RAB38: variants seen among roughly 807,000 people sequenced by gnomAD.
RAB38 encodes the protein ras-related protein Rab-38.
In RAB38, 15 loss-of-function variants were observed where a neutral mutation model predicts 18.4. That is an observed-to-expected ratio of 0.82 (90% confidence interval 0.55 to 1.26). The LOEUF (loss-of-function observed/expected upper bound fraction) is 1.26, where lower values mean the gene tolerates loss of function less well. Among genes scored for constraint, RAB38 ranks in the 50% most tolerant of loss-of-function variants. The probability of loss-of-function intolerance (pLI) is 0.00; values close to 1 mark genes in which losing one functional copy is unlikely to be tolerated. For missense variants in RAB38, 294 were observed against 267.4 expected (o/e 1.10, Z -0.69); for synonymous variants, 101 against 104.4 (o/e 0.97, Z 0.20).
intron 2 of RAB38, among the ~76,000 whole-genome samples, chr11:88,143,295 G>C (rs1355185254): frequency 6.6e-6 from 1 of 152,254 alleles, no homozygotes; most frequent in Non-Finnish European, 1.5e-5. Context: ...TGGCTAAAGA[G>C]AAGTTATTCT....
At chr11:88,134,305 A>C (rs942084455) in intron 2 of RAB38, among the ~76,000 whole-genome samples, 15 of 152,088 alleles carry the variant, frequency 9.9e-5, no homozygotes, top group African/African-American at 2.7e-4. Flanking sequence ...CAGTGGCGCA[A>C]TCTAGGCTCA....
chr11:87,870,501 CA>C, the RAB38 span, among the ~76,000 whole-genome samples: 1,381 of 151,608 alleles, frequency 9.1e-3, 22 homozygotes, highest in African/African-American at 0.032. Context: ...CATTTCTCAT[CA>C]GGGGTCCGTG....
chr11:87,931,951 G>A, the RAB38 span, among the ~76,000 whole-genome samples: 1 of 151,842 alleles, frequency 6.6e-6, no homozygotes, highest in Admixed American at 6.6e-5. Context: ...GGTGGGGTGG[G>A]GTGGTGAGGG....
chr11:88,151,383 A>T (rs1328278615), intron 1 of RAB38, among the ~76,000 whole-genome samples: 20 of 152,216 alleles, frequency 1.3e-4, no homozygotes. Flanking sequence ...TCAGCTGAAT[A>T]ACAAAAATGA....
chr11:88,149,668 A>G lies in RAB38; in HGVS notation c.483+7T>C. 6.2e-7 allele frequency: 1 copy of G among 1,603,354 alleles called. No individual in the cohort carries two copies. Among genetic ancestry groups the G allele is most frequent in the South Asian group, 1.1e-5 (1 of 90,020 alleles). On this transcript the variant is annotated splice_region_variant and intron_variant, in intron 2 of 2. Transcript: ENST00000243662. ...TATATTAAGCTTATTATTTAAAGTC[A>G]CATTACCTTTGCTGATGTTTCAAAC...
At chr11:87,837,506 A>AAGATTAGAG in the RAB38 span, among the ~76,000 whole-genome samples, 1 of 152,172 alleles carries the variant, frequency 6.6e-6, no homozygotes, top group Non-Finnish European at 1.5e-5. Context: ...TATTAAGCAA[A>AAGATTAGAG]AGATTAGAGA....
At chr11:87,943,336 T>C in the RAB38 span, among the ~76,000 whole-genome samples, 1 of 152,118 alleles carries the variant, frequency 6.6e-6, no homozygotes, top group Non-Finnish European at 1.5e-5. Context: ...TGATGATACA[T>C]GGCTAGGTTA....
the RAB38 span, among the ~76,000 whole-genome samples, chr11:87,855,208 T>G: frequency 6.6e-6 from 1 of 152,208 alleles, no homozygotes; most frequent in Admixed American, 6.5e-5. Context: ...TTCCTGCATT[T>G]CTCTGAGCAG....
chr11:88,124,932 C>T lies in RAB38; in HGVS notation c.484-10792G>A, dbSNP rs559057905. On this transcript the variant is annotated intron_variant, in intron 2 of 2. Transcript: ENST00000243662. ...GCTTTACAATCCATGCTTTAATTTG[C>T]TACGCAATAAGTTATGTGACTGTCT... Among the ~76,000 whole-genome samples the T allele has an allele frequency of 8.5e-4, 129 of 152,306 alleles. 2 individuals carry two copies. Among genetic ancestry groups the T allele is most frequent in the African/African-American group, 3.1e-3 (128 of 41,570 alleles).
At chr11:88,088,349 C>A in the RAB38 span, among the ~76,000 whole-genome samples, 4 of 151,990 alleles carry the variant, frequency 2.6e-5, no homozygotes, top group South Asian at 2.1e-4. Flanking sequence ...CCTGTAGGGA[C>A]TCATAAGAAA....
chr11:88,030,834 T>C, the RAB38 span, among the ~76,000 whole-genome samples: 3 of 152,126 alleles, frequency 2.0e-5, no homozygotes, highest in Admixed American at 6.5e-5. Context: ...TCTGAAACTA[T>C]TCCAATCAAT....
At chr11:87,879,656 T>C in the RAB38 span, 3 of 151,676 alleles carry the variant, frequency 2.0e-5, no homozygotes, top group African/African-American at 4.8e-5. Context: ...GATTTTACAT[T>C]CTTTTCATTC....
chr11:87,862,326 G>C, the RAB38 span, among the ~76,000 whole-genome samples: 2 of 151,998 alleles, frequency 1.3e-5, no homozygotes, highest in Non-Finnish European at 2.9e-5. Flanking sequence ...ATACTATGCA[G>C]TCATAAAAAG....
At chr11:87,804,367 C>G in the RAB38 span, among the ~76,000 whole-genome samples, 2 of 152,116 alleles carry the variant, frequency 1.3e-5, no homozygotes, top group Non-Finnish European at 2.9e-5. Flanking sequence ...GTCTTCAGCA[C>G]TAGTCTTAGG....
chr11:88,168,869 A>G (rs1387751866), intron 1 of RAB38, among the ~76,000 whole-genome samples: 2 of 152,128 alleles, frequency 1.3e-5, no homozygotes, highest in African/African-American at 4.8e-5. Flanking sequence ...TTTCTCTATG[A>G]CTTGGATCTA....
the RAB38 span, among the ~76,000 whole-genome samples, chr11:88,090,220 G>A: frequency 2.0e-5 from 3 of 151,934 alleles, no homozygotes; most frequent in Admixed American, 6.6e-5. Context: ...AAATCTCTTA[G>A]TTTTCTAATT....
At chr11:87,877,375 G>A in the RAB38 span, among the ~76,000 whole-genome samples, 518 of 151,526 alleles carry the variant, frequency 3.4e-3, no homozygotes, top group African/African-American at 0.012. Context: ...AGTATACATT[G>A]CAGAATTATT....
At chr11:87,813,708 T>A in the RAB38 span, among the ~76,000 whole-genome samples, 9 of 152,076 alleles carry the variant, frequency 5.9e-5, no homozygotes, top group East Asian at 1.7e-3. Context: ...TCAGCTGGAG[T>A]TTTTTTACAA....
the RAB38 span, among the ~76,000 whole-genome samples, chr11:87,977,475 T>C: frequency 2.3e-5 from 1 of 44,382 alleles, no homozygotes. Context: ...ATATATTACA[T>C]ATATAATTAT....
Sources: allele counts gnomAD v4.1 joint callset (sites outside exome capture counted in the v4.1 genomes callset), GRCh38; gene constraint gnomAD v4.1.1; transcripts MANE v1.5; gene names NCBI Gene and HGNC (gene_info 2026-07-23, HGNC 2026-07-21).